RANBP10: variants seen among roughly 807,000 people sequenced by gnomAD.
The protein encoded by RANBP10 is ran-binding protein 10.
A neutral mutation model predicts 72.8 loss-of-function variants in RANBP10; 24 were observed. That is an observed-to-expected ratio of 0.33 (90% CI 0.24 to 0.46). The LOEUF (loss-of-function observed/expected upper bound fraction) is 0.46. Among genes scored for constraint, RANBP10 ranks in the 20% least tolerant of loss-of-function variants. The pLI, the probability that RANBP10 is intolerant of heterozygous loss-of-function variation, is 1.00. For synonymous variants in RANBP10, 310 were observed against 322.3 expected (o/e 0.96, Z 0.41); for missense variants, 679 against 817.5 (o/e 0.83, Z 2.07).
chr16:67,727,022 T>C (rs181907020), intron 13 of RANBP10, among the ~76,000 whole-genome samples: 1 of 152,288 alleles, frequency 6.6e-6, no homozygotes, highest in Non-Finnish European at 1.5e-5. Context: ...AGGCCAGGCA[T>C]GGTGGCTCAC....
At chr16:67,747,493 TTTTG>T (rs968219239) in intron 3 of RANBP10, among the ~76,000 whole-genome samples, 20 of 152,204 alleles carry the variant, frequency 1.3e-4, no homozygotes, top group South Asian at 6.2e-4. Flanking sequence ...TTATCATCAT[TTTTG>T]TTTGTTTGTT....
At chr16:67,799,411 C>T (rs1263810965) in intron 2 of RANBP10, among the ~76,000 whole-genome samples, 3 of 151,808 alleles carry the variant, frequency 2.0e-5, no homozygotes, top group African/African-American at 4.8e-5. Flanking sequence ...CCTCAGCCTC[C>T]CGAGTAGCTG....
intron 3 of RANBP10, among the ~76,000 whole-genome samples, chr16:67,757,407 G>T (rs1168482412): frequency 6.6e-6 from 1 of 152,178 alleles, no homozygotes; most frequent in Non-Finnish European, 1.5e-5. Context: ...GCCAGGCAGG[G>T]TTCAACAGCC....
Position 67,730,155 on chromosome 16 carries a change from C to T in RANBP10, c.890-109G>A, listed in dbSNP as rs1263744265. ...GTAGGGTCCGGCTCAGAGTGCCTCG[C>T]CAGCTTGAAATGCTCACAGGAGAGG... On this transcript the variant is annotated intron_variant, in intron 7 of 13. Coordinates refer to ENST00000317506, the MANE Select transcript of RANBP10 (RefSeq NM_020850.3). The surrounding 1 kb of genome is among the most constrained non-coding windows in gnomAD (Gnocchi z 4.3). 3.2e-6 allele frequency: 3 copies of T among 952,220 alleles called. No individual in the cohort carries two copies. The Middle Eastern group carries it at 9.2e-4, about 290-fold the overall frequency. The allele number at this position is 952,220 out of a possible 1,614,324, so 59.0% of individuals were successfully genotyped here.
At chr16:67,731,237 C>T (rs192671618) in intron 7 of RANBP10, 29 of 461,464 alleles carry the variant, frequency 6.3e-5, no homozygotes, top group African/African-American at 5.0e-4. Context: ...TGGCCTGCGC[C>T]CAGCCTTCAG....
chr16:67,735,235 G>C (rs1015913040), intron 5 of RANBP10, among the ~76,000 whole-genome samples, 193 bp from the exon 6 acceptor site: 2 of 152,232 alleles, frequency 1.3e-5, no homozygotes, highest in Non-Finnish European at 2.9e-5. Flanking sequence ...AGGGGAGAAA[G>C]CAAAAGAAAA....
chr16:67,748,878 C>T (rs1186562602), intron 3 of RANBP10, among the ~76,000 whole-genome samples: 9 of 152,136 alleles, frequency 5.9e-5, no homozygotes, highest in Admixed American at 3.9e-4. Flanking sequence ...AGGCACCCCT[C>T]CAGGTAGCTT....
chr16:67,800,178 T>C (rs2055209748), intron 2 of RANBP10, among the ~76,000 whole-genome samples: 2 of 148,220 alleles, frequency 1.3e-5, no homozygotes, highest in African/African-American at 5.0e-5. Flanking sequence ...TGCGCCCTGG[T>C]GTCTGGAATG....
chr16:67,796,450 C>G (rs572058770), intron 2 of RANBP10, among the ~76,000 whole-genome samples: 18 of 152,160 alleles, frequency 1.2e-4, no homozygotes, highest in Admixed American at 4.6e-4. Flanking sequence ...CCTCAACCAT[C>G]TGGGCCTCTA....
chr16:67,727,823 G>T lies in RANBP10; in HGVS notation c.1548C>A (p.Arg516=). Reference sequence around the variant, plus strand: ...ACTGCTCACTCAATGCCTGCAACTCGCGGCCAAACAGAATGATCCTTTCTG... The same window carrying T: ...ACTGCTCACTCAATGCCTGCAACTCTCGGCCAAACAGAATGATCCTTTCTG... The part of the protein sequence containing the change: ...AATERIILFG[R]ELQALSEQLG... Residue 516 remains arginine (R), a synonymous_variant, in exon 12 of 14, where the codon CGC becomes CGA. Transcript: ENST00000317506. 1 of 1,614,148 alleles carries T rather than the reference G, an allele frequency of 6.2e-7. No homozygotes were observed. The highest frequency in any genetic ancestry group is 8.5e-7 in the Non-Finnish European group (1 of 1,180,050).
chr16:67,797,552 G>A (rs183605725), intron 2 of RANBP10, among the ~76,000 whole-genome samples: 5 of 152,336 alleles, frequency 3.3e-5, no homozygotes, highest in Admixed American at 6.5e-5. Context: ...GCTCACACCC[G>A]TAGTCCCAGC....
chr16:67,766,377 G>A lies in RANBP10; in HGVS notation c.400+5657C>T, dbSNP rs893281768. Among the ~76,000 whole-genome samples, 35 of 152,172 alleles carry A rather than the reference G, an allele frequency of 2.3e-4. 1 individual carries two copies. The highest frequency in any genetic ancestry group is 7.4e-5 in the Non-Finnish European group (5 of 68,024). ...AATAACGGCAAGCTGATACAGTTTG[G>A]ATGTTTGTCCCCTCCAAATCTCCTG... On this transcript the variant is annotated intron_variant, in intron 3 of 13. Coordinates refer to ENST00000317506, the MANE Select transcript of RANBP10 (RefSeq NM_020850.3).
At chr16:67,755,341 T>A (rs1294181996) in intron 3 of RANBP10, among the ~76,000 whole-genome samples, 1 of 152,112 alleles carries the variant, frequency 6.6e-6, no homozygotes, top group Admixed American at 6.5e-5. Context: ...ACCTGCACTA[T>A]GAGGCCAGAG....
intron 13 of RANBP10, among the ~76,000 whole-genome samples, chr16:67,726,904 C>T (rs554016035): frequency 1.2e-4 from 19 of 152,188 alleles, no homozygotes; most frequent in Non-Finnish European, 2.8e-4. Context: ...GAGCTTGCTG[C>T]CCCAGTGTGG....
At position 67,725,871 on chromosome 16, in the gene RANBP10, T is replaced by G. The variant is rs532256561; in HGVS notation, c.*557A>C. On this transcript the variant is annotated 3_prime_UTR_variant, in exon 14 of 14. Transcript: ENST00000317506. ...ACAGAGATTCTTCTTTTTTAATGAG[T>G]TGGACTCAAAGAAAACATGGTGCCT... is the stretch of plus-strand genomic sequence containing the variant. The G allele has an allele frequency of 6.6e-6, 1 of 152,536 alleles. No individual in the cohort carries two copies. The highest frequency in any genetic ancestry group is 2.1e-4 in the South Asian group (1 of 4,824). 9.4% of individuals were successfully genotyped at this position (152,536 alleles called of 1,614,324 possible).
At chr16:67,765,888 C>T (rs1195720909) in intron 3 of RANBP10, among the ~76,000 whole-genome samples, 1 of 152,032 alleles carries the variant, frequency 6.6e-6, no homozygotes, top group Non-Finnish European at 1.5e-5. Context: ...TGGCATGTGC[C>T]TGTAGTACCA....
At chr16:67,789,492 T>C (rs1449469605) in intron 2 of RANBP10, among the ~76,000 whole-genome samples, 1 of 151,232 alleles carries the variant, frequency 6.6e-6, no homozygotes, top group East Asian at 2.0e-4. Flanking sequence ...TTTTTTGAGA[T>C]GGAGTCTCAC....
At position 67,726,180 on chromosome 16, in the gene RANBP10, TACATGAGA is replaced by T. The variant is rs2053594000; in HGVS notation, c.*240_*247del. 2 of 463,764 alleles carry T rather than the reference TACATGAGA, an allele frequency of 4.3e-6. No individual in the cohort carries two copies. Among genetic ancestry groups the T allele is most frequent in the African/African-American group, 4.0e-5 (2 of 49,644 alleles). 28.7% of individuals were successfully genotyped at this position (463,764 alleles called of 1,614,324 possible). A position where few individuals can be genotyped will look rare whatever the true frequency, so the allele number is the denominator to read the frequency against. ...ACCCCCCTTTCAAAATAGAAGGCGC[TACATGAGA>T]GTAACCAGCCAATACTGTGTTACAG... On this transcript the variant is annotated 3_prime_UTR_variant, in exon 14 of 14. Coordinates refer to ENST00000317506, the MANE Select transcript of RANBP10 (RefSeq NM_020850.3).
intron 5 of RANBP10, among the ~76,000 whole-genome samples, chr16:67,736,584 A>C (rs1269219267): frequency 6.6e-6 from 1 of 151,964 alleles, no homozygotes; most frequent in East Asian, 1.9e-4. Flanking sequence ...ATCCTCCACC[A>C]CAGGCAAGGC....
Sources: allele counts gnomAD v4.1 joint callset (sites outside exome capture counted in the v4.1 genomes callset), GRCh38; gene constraint gnomAD v4.1.1; non-coding constraint Gnocchi (gnomAD v3.1); transcripts MANE v1.5; gene names NCBI Gene and HGNC (gene_info 2026-07-23, HGNC 2026-07-21).